Variants in ZDHHC21 observed in about 807,000 individuals in gnomAD.
ZDHHC21 encodes palmitoyltransferase ZDHHC21.
A neutral mutation model predicts 34.6 loss-of-function variants in ZDHHC21; 15 were observed. The observed-to-expected ratio is 0.43, with a 90% CI of 0.29 to 0.67. The LOEUF (loss-of-function observed/expected upper bound fraction) is 0.67, where lower values mean the gene tolerates loss of function less well. ZDHHC21 is among the 30% of genes least tolerant of loss of function. The probability of loss-of-function intolerance (pLI) is 0.14; values close to 1 mark genes in which losing one functional copy is unlikely to be tolerated. For synonymous variants in ZDHHC21, 142 were observed against 101.8 expected (o/e 1.40, Z -2.38); for missense variants, 344 against 327.7 (o/e 1.05, Z -0.38).
At chr9:14,627,976 T>C (rs1254008348) in intron 8 of ZDHHC21, among the ~76,000 whole-genome samples, 1 of 152,180 alleles carries the variant, frequency 6.6e-6, no homozygotes, top group Non-Finnish European at 1.5e-5. Flanking sequence ...AAAAAATAAT[T>C]TGACTAACCT....
chr9:14,652,816 T>C (rs771879790), intron 7 of ZDHHC21, among the ~76,000 whole-genome samples: 5 of 152,028 alleles, frequency 3.3e-5, no homozygotes, highest in Non-Finnish European at 5.9e-5. Flanking sequence ...TGTTGTTGTT[T>C]AATGAATAAA....
chr9:14,666,506 A>C (rs201725550), intron 5 of ZDHHC21, among the ~76,000 whole-genome samples: 64,888 of 88,758 alleles, frequency 0.73, 28,103 homozygotes, highest in South Asian at 0.77. Flanking sequence ...GACCTAATAG[A>C]CATCTACAGA....
At position 14,611,728 on chromosome 9, in the gene ZDHHC21, G is replaced by C. The variant is rs1000170784; in HGVS notation, c.*7238C>G. The stretch of plus-strand genomic sequence containing the variant: ...CACACAAAAAAACACTAATTCCAGG[G>C]ACACAAAGTGAGCTCATACAGCATG... On this transcript the variant is annotated 3_prime_UTR_variant, in exon 10 of 10. Transcript: ENST00000380916. 6.6e-6 allele frequency: 1 copy of C among 151,842 alleles called. No homozygotes were observed. The highest frequency in any genetic ancestry group is 2.4e-5 in the African/African-American group (1 of 41,376). The allele number at this position is 151,842 out of a possible 1,614,324, so 9.4% of individuals were successfully genotyped here.
chr9:14,619,350 T>C (rs1329913547), intron 9 of ZDHHC21, among the ~76,000 whole-genome samples: 3 of 152,140 alleles, frequency 2.0e-5, no homozygotes, highest in South Asian at 2.1e-4. Flanking sequence ...TAACAGAATG[T>C]GTGTCAACAA....
chr9:14,665,731 T>G (rs909952193), intron 5 of ZDHHC21, among the ~76,000 whole-genome samples: 1 of 143,764 alleles, frequency 7.0e-6, no homozygotes, highest in Admixed American at 6.9e-5. Context: ...ACCCAGAATT[T>G]CATATCCAGC....
chr9:14,643,026 G>T (rs1288567596), intron 7 of ZDHHC21, among the ~76,000 whole-genome samples: 1 of 152,050 alleles, frequency 6.6e-6, no homozygotes. Flanking sequence ...ATCACCTGAG[G>T]TCAGGAGTTC....
At chr9:14,633,075 GA>G (rs1827634872) in intron 8 of ZDHHC21, among the ~76,000 whole-genome samples, 1 of 152,110 alleles carries the variant, frequency 6.6e-6, no homozygotes, top group Admixed American at 6.6e-5. Context: ...CCAAAGAAAT[GA>G]AAATGTACGT....
intron 8 of ZDHHC21, among the ~76,000 whole-genome samples, chr9:14,621,086 G>C (rs1825223146): frequency 6.6e-6 from 1 of 151,986 alleles, no homozygotes; most frequent in South Asian, 2.1e-4. Flanking sequence ...CATTTTAATG[G>C]TTTCTTAGAG....
At chr9:14,595,314 G>A in the ZDHHC21 span, among the ~76,000 whole-genome samples, 7 of 152,120 alleles carry the variant, frequency 4.6e-5, no homozygotes, top group African/African-American at 1.7e-4. Flanking sequence ...ATAAGACAGA[G>A]TTCTGTTCAA....
intron 8 of ZDHHC21, among the ~76,000 whole-genome samples, chr9:14,627,170 T>C (rs906583895): frequency 3.3e-5 from 5 of 152,202 alleles, no homozygotes; most frequent in Non-Finnish European, 7.4e-5. Context: ...CTTCTGTGTA[T>C]AGATTAAAAG....
intron 4 of ZDHHC21, among the ~76,000 whole-genome samples, chr9:14,673,240 G>A (rs1037389700): frequency 6.6e-5 from 10 of 151,744 alleles, no homozygotes; most frequent in South Asian, 6.2e-4. Context: ...ATAGGCTCCC[G>A]TTTAATTACT....
intron 7 of ZDHHC21, among the ~76,000 whole-genome samples, chr9:14,644,797 T>C (rs1384379702): frequency 6.7e-6 from 1 of 149,706 alleles, no homozygotes; most frequent in Non-Finnish European, 1.5e-5. Flanking sequence ...GGAGTTTATA[T>C]ATATACACAC....
intron 5 of ZDHHC21, among the ~76,000 whole-genome samples, chr9:14,669,283 C>A (rs2134023410): frequency 6.9e-6 from 1 of 144,686 alleles, no homozygotes; most frequent in East Asian, 2.1e-4. Context: ...CAGAGAAATG[C>A]AAATCAAAAC....
the ZDHHC21 span, among the ~76,000 whole-genome samples, chr9:14,591,549 T>A: frequency 6.6e-6 from 1 of 152,190 alleles, no homozygotes; most frequent in Non-Finnish European, 1.5e-5. Context: ...CGAATAATAA[T>A]CAAACAGCAA....
chr9:14,692,579 A>G lies in ZDHHC21; in HGVS notation c.-225+650T>C, dbSNP rs1255514576. 2.1e-5 allele frequency among the ~76,000 whole-genome samples: 3 copies of G among 145,510 alleles called. No homozygotes were observed. The East Asian group carries it at 6.1e-4, about 30-fold the overall frequency. ...AGGGATCTTAAAATGTGACCCACAT[A>G]TAGCTTGAAAAAGACCGTAACTTAA... On this transcript the variant is annotated intron_variant, in intron 1 of 9. Transcript: ENST00000380916.
chr9:14,693,166 G>GTGGGGGTGCGGATGGGGA, intron 1 of ZDHHC21, 63 bp downstream of exon 1: 1 of 277,686 alleles, frequency 3.6e-6, no homozygotes, highest in Non-Finnish European at 7.0e-6. Context: ...GGGGATGGGG[G>GTGGGGGTGCGGATGGGGA]TGGGGGTGCG....
At chr9:14,653,585 C>T (rs1831639678) in intron 7 of ZDHHC21, among the ~76,000 whole-genome samples, 1 of 151,884 alleles carries the variant, frequency 6.6e-6, no homozygotes, top group Non-Finnish European at 1.5e-5. Flanking sequence ...CAATGACCTC[C>T]TTCATCTCCC....
At chr9:14,619,760 T>A in intron 8 of ZDHHC21, 78 bp from the exon 9 acceptor site, 1 of 847,732 alleles carries the variant, frequency 1.2e-6, no homozygotes, top group Non-Finnish European at 1.7e-6. Flanking sequence ...ATCATGTTTT[T>A]AATCTTATTC....
intron 7 of ZDHHC21, among the ~76,000 whole-genome samples, chr9:14,648,682 G>T (rs771182498): frequency 6.6e-6 from 1 of 152,046 alleles, no homozygotes; most frequent in Non-Finnish European, 1.5e-5. Flanking sequence ...TAATTGGAAC[G>T]TAAGCTCCTT....
Sources: gnomAD v4.1 joint callset for allele counts (sites outside exome capture counted in the v4.1 genomes callset) on GRCh38, gnomAD v4.1.1 for gene constraint, MANE v1.5 for transcripts, NCBI Gene and HGNC (gene_info 2026-07-23, HGNC 2026-07-21) for gene names.